The following PRKN variants were observed in gnomAD, a reference collection of about 807,000 sequenced individuals.
PRKN encodes parkin RBR E3 ubiquitin protein ligase, also known as E3 ubiquitin-protein ligase parkin.
A neutral mutation model predicts 59.5 loss-of-function variants in PRKN; 56 were observed. The observed-to-expected ratio is 0.94, with a 90% CI of 0.76 to 1.18. PRKN has a LOEUF of 1.18. Ranked by LOEUF, PRKN falls within the 50% of genes most tolerant of loss-of-function variation. The probability of loss-of-function intolerance (pLI) is 0.00; values close to 1 mark genes in which losing one functional copy is unlikely to be tolerated. For synonymous variants in PRKN, 250 were observed against 222.1 expected (o/e 1.13, Z -1.12); for missense variants, 657 against 596.4 (o/e 1.10, Z -1.06).
chr6:162,583,546 T>C (rs984460158), intron 1 of PRKN, among the ~76,000 whole-genome samples: 3 of 152,224 alleles, frequency 2.0e-5, no homozygotes, highest in African/African-American at 7.2e-5. Context: ...CCTTAAGTGG[T>C]AGAATCATTC....
chr6:161,663,946 A>G (rs1200040176), intron 7 of PRKN, among the ~76,000 whole-genome samples: 3 of 152,164 alleles, frequency 2.0e-5, no homozygotes, highest in Admixed American at 6.5e-5. Context: ...CCCAGAATCA[A>G]CAGAACCCTG....
chr6:162,086,739 C>T (rs1336211252), intron 4 of PRKN, among the ~76,000 whole-genome samples: 2 of 152,158 alleles, frequency 1.3e-5, no homozygotes, highest in Non-Finnish European at 2.9e-5. Context: ...AATACTTCTC[C>T]TTAGTAGCAT....
chr6:161,960,990 T>C (rs1780356287), intron 6 of PRKN, among the ~76,000 whole-genome samples: 1 of 152,138 alleles, frequency 6.6e-6, no homozygotes, highest in African/African-American at 2.4e-5. Flanking sequence ...TGTGGCACTG[T>C]AAAATGGGTA....
chr6:162,412,865 C>T (rs764892612), intron 2 of PRKN, among the ~76,000 whole-genome samples: 6 of 151,874 alleles, frequency 4.0e-5, no homozygotes, highest in African/African-American at 7.2e-5. Context: ...ACAAAGGTGC[C>T]GACATTACAG....
At chr6:162,530,920 G>C (rs1365272345) in intron 1 of PRKN, among the ~76,000 whole-genome samples, 1 of 151,844 alleles carries the variant, frequency 6.6e-6, no homozygotes, top group Non-Finnish European at 1.5e-5. Flanking sequence ...AGCAGGGCAT[G>C]GCCGCGTGTG....
chr6:162,533,993 T>G (rs537998542), intron 1 of PRKN, among the ~76,000 whole-genome samples: 10 of 140,840 alleles, frequency 7.1e-5, no homozygotes, highest in African/African-American at 2.3e-4. Flanking sequence ...AAAAAAGAGA[T>G]ATGAAGGAGG....
At chr6:162,414,367 A>G (rs1300793453) in intron 2 of PRKN, among the ~76,000 whole-genome samples, 1 of 152,040 alleles carries the variant, frequency 6.6e-6, no homozygotes, top group Non-Finnish European at 1.5e-5. Flanking sequence ...GGCTGTTAGG[A>G]CAAGGCATCA....
rs1784503399 is a variant in PRKN at position 161,660,489 on chromosome 6, A to C, written c.872-91073T>G. On this transcript the variant is annotated intron_variant, in intron 7 of 11. Transcript: ENST00000366898. ...CTAAAAGGTCATTTCTGTGAAGATC[A>C]AAGACACACAGCTGAAGATTCACAA... 2.0e-5 allele frequency among the ~76,000 whole-genome samples: 3 copies of C among 152,356 alleles called. 1 individual carries two copies. In the South Asian group the frequency reaches 6.2e-4, roughly 32 times the overall value.
At chr6:161,528,361 G>C (rs755879958) in intron 9 of PRKN, among the ~76,000 whole-genome samples, 2 of 150,860 alleles carry the variant, frequency 1.3e-5, no homozygotes, top group Non-Finnish European at 3.0e-5. Context: ...TCCAGGAGCT[G>C]TTCCTCCACC....
At chr6:161,382,136 A>T (rs1194455181) in intron 10 of PRKN, among the ~76,000 whole-genome samples, 1 of 146,866 alleles carries the variant, frequency 6.8e-6, no homozygotes, top group African/African-American at 2.5e-5. Flanking sequence ...AAAAAAAATC[A>T]AAACAAAAAC....
chr6:162,656,584 A>G, intron 1 of PRKN, among the ~76,000 whole-genome samples: 1 of 152,240 alleles, frequency 6.6e-6, no homozygotes, highest in East Asian at 1.9e-4. Flanking sequence ...TGTCTCTGCC[A>G]TAGCACATGA....
chr6:161,408,332 A>AC (rs1787371933), intron 9 of PRKN, among the ~76,000 whole-genome samples: 1 of 151,842 alleles, frequency 6.6e-6, no homozygotes, highest in African/African-American at 2.4e-5. Flanking sequence ...AAAAAAAAAA[A>AC]AAAAGCCCAT....
At chr6:162,623,480 T>C (rs909937772) in intron 1 of PRKN, among the ~76,000 whole-genome samples, 1 of 152,142 alleles carries the variant, frequency 6.6e-6, no homozygotes, top group Non-Finnish European at 1.5e-5. Flanking sequence ...GAAAGCAACA[T>C]AGGCCCAAAA....
At chr6:162,080,499 T>G (rs1265467462) in intron 4 of PRKN, among the ~76,000 whole-genome samples, 2 of 152,142 alleles carry the variant, frequency 1.3e-5, no homozygotes, top group Admixed American at 6.5e-5. Context: ...GGTTTCTCAG[T>G]GCACACAAAA....
chr6:161,635,765 G>A (rs974463415), intron 7 of PRKN, among the ~76,000 whole-genome samples: 22 of 152,228 alleles, frequency 1.4e-4, no homozygotes, highest in African/African-American at 5.3e-4. Flanking sequence ...AGAGCTTGGG[G>A]GCCGTTGAAT....
intron 7 of PRKN, among the ~76,000 whole-genome samples, chr6:161,629,518 C>A (rs1783216625): frequency 6.6e-6 from 1 of 152,106 alleles, no homozygotes; most frequent in Non-Finnish European, 1.5e-5. Flanking sequence ...CTGCTTAAAA[C>A]CTCCACTACT....
intron 7 of PRKN, among the ~76,000 whole-genome samples, chr6:161,687,936 TTTCCTTAGG>T (rs1562608927): frequency 6.6e-6 from 1 of 152,176 alleles, no homozygotes; most frequent in Non-Finnish European, 1.5e-5. Context: ...CCCAACATAC[TTTCCTTAGG>T]TTCCCTGCTA....
chr6:162,726,621 G>T (rs1490354175), intron 1 of PRKN, among the ~76,000 whole-genome samples: 1 of 152,192 alleles, frequency 6.6e-6, no homozygotes, highest in Admixed American at 6.5e-5. Flanking sequence ...ACAGATGTAA[G>T]AAGTGTTTTC....
intron 9 of PRKN, among the ~76,000 whole-genome samples, chr6:161,452,196 C>G (rs1175385571): frequency 6.6e-6 from 1 of 151,872 alleles, no homozygotes; most frequent in Non-Finnish European, 1.5e-5. Context: ...TCAAGTGATC[C>G]CACCTCGGCC....
Sources: allele counts gnomAD v4.1 joint callset (sites outside exome capture counted in the v4.1 genomes callset), GRCh38; gene constraint gnomAD v4.1.1; transcripts MANE v1.5; gene names NCBI Gene and HGNC (gene_info 2026-07-23, HGNC 2026-07-21).